Variants in CACNB2 observed in about 807,000 individuals in gnomAD.
The protein encoded by CACNB2 is voltage-dependent L-type calcium channel subunit beta-2.
Under a neutral mutation model 73.3 loss-of-function variants are expected in CACNB2, and 42 were observed. The observed-to-expected ratio is 0.57, with a 90% CI of 0.45 to 0.74. CACNB2 has a LOEUF of 0.74. Among genes scored for constraint, CACNB2 ranks in the 30% least tolerant of loss-of-function variants. The pLI, the probability that CACNB2 is intolerant of heterozygous loss-of-function variation, is 0.00. For missense variants in CACNB2, 940 were observed against 853.0 expected, an observed-to-expected ratio of 1.10 and a Z score of -1.27; for synonymous variants, 348 against 310.3, an observed-to-expected ratio of 1.12 and a Z score of -1.28.
At chr10:18,499,346 G>T (rs559834094) in intron 4 of CACNB2, among the ~76,000 whole-genome samples, 3 of 152,076 alleles carry the variant, frequency 2.0e-5, no homozygotes, top group Non-Finnish European at 4.4e-5. Context: ...GGCTGGGCCC[G>T]GTGGCTCATG....
intron 2 of CACNB2, among the ~76,000 whole-genome samples, chr10:18,274,990 A>G (rs1411707142): frequency 6.6e-6 from 1 of 152,200 alleles, no homozygotes; most frequent in Non-Finnish European, 1.5e-5. Flanking sequence ...CTTTTAAAAG[A>G]CACTGATTTG....
rs2053954190 is a variant in CACNB2, at chr10:18,539,665, A to T, written c.1924A>T (p.Ile642Leu). The change falls in exon 14 of 14, where the codon ATA (isoleucine) becomes TTA (leucine). Residue 642 changes from isoleucine (I) to leucine (L), a missense_variant. Ile to Leu is a conservative substitution (Grantham distance 5, BLOSUM62 2). Coordinates refer to ENST00000324631, the MANE Select transcript of CACNB2 (RefSeq NM_201596.3). Reference sequence around the variant, plus strand: ...CTACTGTGAAAAGGATGGAGAAGTGATATCAAAAAAACGGAATGAGGCTGG... The same window carrying T: ...CTACTGTGAAAAGGATGGAGAAGTGTTATCAAAAAAACGGAATGAGGCTGG... ...DRYCEKDGEVISKKRNEAGEW... is the reference protein window; with the variant it reads ...DRYCEKDGEVLSKKRNEAGEW... 1 of 1,613,234 alleles carries T rather than the reference A, an allele frequency of 6.2e-7. No individual in the cohort carries two copies. The highest frequency in any genetic ancestry group is 8.5e-7 in the Non-Finnish European group (1 of 1,179,836).
intron 2 of CACNB2, among the ~76,000 whole-genome samples, chr10:18,315,566 T>C (rs985083083): frequency 7.4e-6 from 1 of 134,990 alleles, no homozygotes; most frequent in Non-Finnish European, 1.5e-5. Flanking sequence ...CAGTGGTGCC[T>C]GCCTGTGGTC....
intron 2 of CACNB2, among the ~76,000 whole-genome samples, chr10:18,170,755 T>C (rs1327820045): frequency 6.6e-6 from 1 of 152,224 alleles, no homozygotes; most frequent in Non-Finnish European, 1.5e-5. Context: ...TTATGTTGGT[T>C]TTAGAAACCA....
chr10:18,140,674 G>T lies in CACNB2; in HGVS notation c.-63G>T. 7.0e-7 allele frequency: 1 copy of T among 1,427,866 alleles called. No individual in the cohort carries two copies. 88.4% of individuals were successfully genotyped at this position (1,427,866 alleles called of 1,614,324 possible). On this transcript the variant is annotated 5_prime_UTR_variant, in exon 1 of 14. Coordinates refer to ENST00000324631, the MANE Select transcript of CACNB2 (RefSeq NM_201596.3). ...GCCGATCAGAGCGCGGGGAGGCGGG[G>T]GCGAGGAGGAGGGGACCCGCCGCCG...
intron 2 of CACNB2, among the ~76,000 whole-genome samples, chr10:18,190,766 G>A (rs1037834062): frequency 1.3e-5 from 2 of 152,166 alleles, no homozygotes; most frequent in Non-Finnish European, 2.9e-5. Flanking sequence ...ATGGGAAGTG[G>A]AGAGATGGGG....
At chr10:18,497,651 C>T (rs917893735) in intron 3 of CACNB2, among the ~76,000 whole-genome samples, 4 of 152,190 alleles carry the variant, frequency 2.6e-5, no homozygotes, top group Admixed American at 2.6e-4. Context: ...TCTTGAACTC[C>T]TAGGGTCAAG....
chr10:18,294,845 G>C (rs1048423096), intron 2 of CACNB2, among the ~76,000 whole-genome samples: 6 of 152,204 alleles, frequency 3.9e-5, no homozygotes, highest in African/African-American at 1.4e-4. Flanking sequence ...CTTCATGGGG[G>C]ATTCCAAGAC....
intron 2 of CACNB2, among the ~76,000 whole-genome samples, chr10:18,259,429 G>A (rs971336234): frequency 6.6e-6 from 1 of 151,360 alleles, no homozygotes; most frequent in Non-Finnish European, 1.5e-5. Flanking sequence ...ATTAGGCTGG[G>A]CACTGTGGCT....
At chr10:18,323,696 A>C (rs2040479130) in intron 2 of CACNB2, among the ~76,000 whole-genome samples, 1 of 152,224 alleles carries the variant, frequency 6.6e-6, no homozygotes, top group South Asian at 2.1e-4. Flanking sequence ...CAATACTGGA[A>C]AATTCACTTA....
At chr10:18,238,226 A>C (rs1301271633) in intron 2 of CACNB2, among the ~76,000 whole-genome samples, 4 of 152,196 alleles carry the variant, frequency 2.6e-5, no homozygotes, top group African/African-American at 9.7e-5. Flanking sequence ...AACCATGATT[A>C]AAGTCTGTTT....
At chr10:18,531,238 A>ATAAGT (rs2052994588) in intron 10 of CACNB2, among the ~76,000 whole-genome samples, 1 of 152,148 alleles carries the variant, frequency 6.6e-6, no homozygotes, top group Non-Finnish European at 1.5e-5. Context: ...CTCCTTCTAA[A>ATAAGT]TAAGTTAACT....
intron 3 of CACNB2, among the ~76,000 whole-genome samples, chr10:18,493,647 A>C (rs952138772): frequency 2.0e-5 from 3 of 152,120 alleles, no homozygotes; most frequent in African/African-American, 7.2e-5. Context: ...TAGCCATGTG[A>C]ACTTATGCTT....
intron 3 of CACNB2, among the ~76,000 whole-genome samples, chr10:18,472,669 G>A (rs554193134): frequency 6.6e-6 from 1 of 152,210 alleles, no homozygotes; most frequent in African/African-American, 2.4e-5. Context: ...TTAAATTTAG[G>A]TCTGTTTTAA....
chr10:18,438,631 T>G (rs571577311), intron 3 of CACNB2, among the ~76,000 whole-genome samples: 29 of 152,386 alleles, frequency 1.9e-4, no homozygotes, highest in African/African-American at 5.5e-4. Context: ...AAAGGCCGTT[T>G]CTTCTCCTCT....
At chr10:18,280,858 G>C (rs545950505) in intron 2 of CACNB2, among the ~76,000 whole-genome samples, 1 of 152,270 alleles carries the variant, frequency 6.6e-6, no homozygotes. Context: ...CAGTGGCCCA[G>C]GGGCAGGAAA....
chr10:18,519,457 G>C (rs2051620532), intron 9 of CACNB2, among the ~76,000 whole-genome samples: 2 of 152,126 alleles, frequency 1.3e-5, no homozygotes, highest in South Asian at 4.2e-4. Flanking sequence ...CTGTGGAGTT[G>C]CATGTTTGCC....
intron 2 of CACNB2, among the ~76,000 whole-genome samples, chr10:18,199,020 C>T (rs2034752867): frequency 1.3e-5 from 2 of 152,004 alleles, no homozygotes; most frequent in African/African-American, 4.8e-5. Flanking sequence ...TAGATGCATT[C>T]GTGATTCTCC....
intron 3 of CACNB2, among the ~76,000 whole-genome samples, chr10:18,496,933 A>C (rs1029360871): frequency 1.3e-5 from 2 of 151,000 alleles, no homozygotes; most frequent in African/African-American, 4.9e-5. Flanking sequence ...AGAAGAGGCC[A>C]GGCATGGTGT....
Sources: allele counts gnomAD v4.1 joint callset (sites outside exome capture counted in the v4.1 genomes callset), GRCh38; gene constraint gnomAD v4.1.1; transcripts MANE v1.5; gene names NCBI Gene and HGNC (gene_info 2026-07-23, HGNC 2026-07-21).